Variants in TTLL6 observed in about 807,000 individuals in gnomAD.
TTLL6 encodes the protein tubulin tyrosine ligase like 6.
In TTLL6, 75 loss-of-function variants were observed where a neutral mutation model predicts 96.4. That is an observed-to-expected ratio of 0.78 (90% confidence interval 0.65 to 0.94). The LOEUF is 0.94. TTLL6 is among the 40% of genes least tolerant of loss of function. The pLI, the probability that TTLL6 is intolerant of heterozygous loss-of-function variation, is 0.00. For synonymous variants in TTLL6, 411 were observed against 419.4 expected (o/e 0.98, Z 0.24); for missense variants, 1,030 against 1,093.0 (o/e 0.94, Z 0.81).
chr17:48,815,724 G>A (rs2039658714), intron 1 of TTLL6: 1 of 152,236 alleles, frequency 6.6e-6, no homozygotes, highest in African/African-American at 2.4e-5. Context: ...AGGGAGGGAT[G>A]GGGCACCCAA....
chr17:48,783,997 C>A (rs1472974076), intron 13 of TTLL6, among the ~76,000 whole-genome samples: 3 of 152,134 alleles, frequency 2.0e-5, no homozygotes, highest in Admixed American at 6.5e-5. Flanking sequence ...TAGAACCTCT[C>A]AGAATGTGAC....
intron 8 of TTLL6, chr17:48,794,343 C>A (rs889532468): frequency 1.9e-6 from 3 of 1,581,984 alleles, no homozygotes; most frequent in African/African-American, 2.7e-5. Context: ...ATGACAGTAA[C>A]CACGCACACT....
At chr17:48,786,507 G>T (rs138878422) in intron 11 of TTLL6, among the ~76,000 whole-genome samples, 172 bp from the exon 12 acceptor site, 2 of 152,216 alleles carry the variant, frequency 1.3e-5, no homozygotes, top group African/African-American at 4.8e-5. Flanking sequence ...GGGTGTGGAG[G>T]AAAGCATCAT....
intron 1 of TTLL6, chr17:48,806,350 C>A (rs1598001456): frequency 6.6e-6 from 1 of 151,986 alleles, no homozygotes; most frequent in African/African-American, 2.4e-5. Context: ...TCCTTAAGAA[C>A]ATGCTTAGTT....
intron 13 of TTLL6, among the ~76,000 whole-genome samples, chr17:48,774,825 T>A (rs2038839021): frequency 6.6e-6 from 1 of 152,122 alleles, no homozygotes. Flanking sequence ...TCTATCCAAA[T>A]ATTTAGATAA....
chr17:48,802,076 GA>G (rs1259637685), intron 3 of TTLL6, among the ~76,000 whole-genome samples: 9 of 62,130 alleles, frequency 1.4e-4, no homozygotes, highest in Non-Finnish European at 2.9e-4. Context: ...AAGAAAGAAA[GA>G]AAAAGAAAGA....
intron 12 of TTLL6, 109 bp downstream of exon 12, chr17:48,786,055 C>T (rs2039084385): frequency 2.0e-6 from 3 of 1,520,050 alleles, no homozygotes; most frequent in East Asian, 2.3e-5. Flanking sequence ...TCTGCACAGC[C>T]TTTCGGTGTG....
In TTLL6 at chr17:48,767,905, C is replaced by T. The variant is rs556663901; in HGVS notation, c.*1084G>A. On this transcript the variant is annotated intron_variant, in intron 15 of 15. Coordinates refer to ENST00000393382, the MANE Select transcript of TTLL6 (RefSeq NM_001130918.3). The stretch of plus-strand genomic sequence containing the variant: ...TCCATTACAGGGCCAGCCTTTGGGG[C>T]AAGTGATCTAGGCCTAGACCAGGCG... Among the ~76,000 whole-genome samples the T allele has an allele frequency of 1.9e-4, 29 of 152,212 alleles. 1 individual carries two copies. In the South Asian group the frequency reaches 4.6e-3, roughly 24 times the overall value.
intron 1 of TTLL6, among the ~76,000 whole-genome samples, chr17:48,810,589 G>A (rs566043228): frequency 2.0e-5 from 3 of 151,958 alleles, no homozygotes; most frequent in South Asian, 2.1e-4. Context: ...CTAACACTTC[G>A]GGAGGCCGAG....
intron 2 of TTLL6, 63 bp downstream of exon 2, chr17:48,804,709 T>C (rs2039479632): frequency 5.0e-6 from 7 of 1,392,484 alleles, no homozygotes; most frequent in Non-Finnish European, 7.0e-6. Context: ...AAGACCCCCT[T>C]CCCTCCAAGT....
chr17:48,800,720 G>A (rs1171435211), intron 5 of TTLL6, among the ~76,000 whole-genome samples: 1 of 152,180 alleles, frequency 6.6e-6, no homozygotes, highest in Non-Finnish European at 1.5e-5. Flanking sequence ...GGTCATGGAT[G>A]TCATCTCACA....
At chr17:48,784,752 C>T (rs10468517) in intron 13 of TTLL6, among the ~76,000 whole-genome samples, 171 bp downstream of exon 13, 46,380 of 152,052 alleles carry the variant, frequency 0.31, 7,328 homozygotes, top group Admixed American at 0.41. Flanking sequence ...TCCTAAATGC[C>T]GGTCCTCCCA....
At position 48,787,962 on chromosome 17, in the gene TTLL6, T is replaced by G. The variant is rs1166736443; in HGVS notation, c.1438A>C (p.Lys480Gln). Reference protein sequence around the residue: ...EAKGFRAVQLKKTETYEKENC... With the variant: ...EAKGFRAVQLQKTETYEKENC... ...TCCTTCTCATACGTTTCAGTTTTCT[T>G]TAACTGCACGGCCCGGAAACCCTTG... Residue 480 changes from lysine to glutamine, a missense_variant, in exon 11 of 16, where the codon AAG becomes CAG. Lys to Gln is a moderately conservative substitution (Grantham distance 53, BLOSUM62 1). Coordinates refer to ENST00000393382, the MANE Select transcript of TTLL6 (RefSeq NM_001130918.3). 1 of 1,614,040 alleles carries G rather than the reference T, an allele frequency of 6.2e-7. No homozygotes were observed. The highest frequency in any genetic ancestry group is 1.3e-5 in the African/African-American group (1 of 74,920).
In TTLL6 at chr17:48,788,843, T is replaced by C. The variant is rs149926672; in HGVS notation, c.1401-844A>G. On this transcript the variant is annotated intron_variant, in intron 10 of 15. Coordinates refer to ENST00000393382, the MANE Select transcript of TTLL6 (RefSeq NM_001130918.3). ...CAAGTGCCTGAGAAACACTGTGCCA[T>C]CCAAACATAAATGCTATTTATGGCA... 6.2e-3 allele frequency among the ~76,000 whole-genome samples: 945 copies of C among 152,252 alleles called. 41 individuals are homozygous for C. The highest frequency in any genetic ancestry group is 0.053 in the Admixed American group (803 of 15,280).
intron 8 of TTLL6, among the ~76,000 whole-genome samples, chr17:48,795,724 T>C (rs1298601413): frequency 6.6e-6 from 1 of 152,198 alleles, no homozygotes; most frequent in Non-Finnish European, 1.5e-5. Context: ...AGACTAGCGA[T>C]CAATAAATAT....
At chr17:48,779,353 C>CAAAAAAAAAAAA (rs35763170) in intron 13 of TTLL6, among the ~76,000 whole-genome samples, 6 of 46,246 alleles carry the variant, frequency 1.3e-4, no homozygotes, top group Admixed American at 3.0e-4. Context: ...GACTCTGTCT[C>CAAAAAAAAAAAA]AAAAAAAAAA....
intron 15 of TTLL6, among the ~76,000 whole-genome samples, chr17:48,764,270 CA>C (rs2038549983): frequency 6.6e-6 from 1 of 152,216 alleles, no homozygotes; most frequent in African/African-American, 2.4e-5. Flanking sequence ...ATATTCTAGC[CA>C]CTAAAGCAGA....
intron 6 of TTLL6, 44 bp downstream of exon 6, chr17:48,799,560 C>A (rs995266321): frequency 1.5e-5 from 23 of 1,534,590 alleles, no homozygotes; most frequent in Non-Finnish European, 1.9e-5. Flanking sequence ...CTAAAGTCCG[C>A]GGTTGCTGTG....
At position 48,787,984 on chromosome 17, in the gene TTLL6, C is replaced by G; in HGVS notation, c.1416G>C (p.Lys472Asn). The change falls in exon 11 of 16, where the codon AAG (lysine) becomes AAC (asparagine). Residue 472 changes from lysine to asparagine, a missense_variant. Physicochemically the swap from Lys to Asn is moderately conservative, Grantham distance 94. Transcript: ENST00000393382. ...CSREMRIEEA[K>N]GFRAVQLKKT... is the part of the protein sequence containing the mutation. The stretch of plus-strand genomic sequence containing the variant: ...TCTTTAACTGCACGGCCCGGAAACC[C>G]TTGGCTTCCTCAATCCTGTTGGGAA... 1.2e-6 allele frequency: 2 copies of G among 1,613,854 alleles called. No individual in the cohort carries two copies. Among genetic ancestry groups the G allele is most frequent in the South Asian group, 2.2e-5 (2 of 90,978 alleles).
Sources: allele counts gnomAD v4.1 joint callset (sites outside exome capture counted in the v4.1 genomes callset), GRCh38; gene constraint gnomAD v4.1.1; transcripts MANE v1.5; gene names NCBI Gene and HGNC (gene_info 2026-07-23, HGNC 2026-07-21).